NDST3: variants seen among roughly 807,000 people sequenced by gnomAD.
The protein encoded by NDST3 is bifunctional heparan sulfate N-deacetylase/N-sulfotransferase 3.
Under a neutral mutation model 96.1 loss-of-function variants are expected in NDST3, and 58 were observed. The ratio of observed to expected loss-of-function variants is 0.60; its 90% CI spans 0.49 to 0.75. The LOEUF (loss-of-function observed/expected upper bound fraction) is 0.75. Ranked by LOEUF, NDST3 falls within the 30% of genes least tolerant of loss-of-function variation. The pLI is 0.00. For missense variants in NDST3, 788 were observed against 1,034.2 expected (o/e 0.76, Z 3.27); for synonymous variants, 333 against 359.7 (o/e 0.93, Z 0.84).
At chr4:118,084,975 T>G (rs565364963) in intron 2 of NDST3, among the ~76,000 whole-genome samples, 41 of 152,098 alleles carry the variant, frequency 2.7e-4, no homozygotes, top group African/African-American at 9.9e-4. Context: ...AAAAACAAAA[T>G]TAGCCGGGCA....
At chr4:118,232,934 A>G (rs1740403262) in intron 8 of NDST3, 78 bp from the exon 9 acceptor site, 1 of 1,347,292 alleles carries the variant, frequency 7.4e-7, no homozygotes, top group Admixed American at 1.9e-5. Context: ...TCTAATATTT[A>G]TTCATGACTT....
chr4:118,179,405 T>G (rs1578774465), intron 6 of NDST3, among the ~76,000 whole-genome samples: 1 of 152,012 alleles, frequency 6.6e-6, no homozygotes, highest in South Asian at 2.1e-4. Context: ...AAAAATTAGG[T>G]TTTTTTAATT....
Position 118,233,233 on chromosome 4 carries a change from A to G in NDST3, c.1943+98A>G, listed in dbSNP as rs1011384493. 5 of 1,107,262 alleles carry G rather than the reference A, an allele frequency of 4.5e-6. No individual in the cohort carries two copies. In the African/African-American group the frequency reaches 8.0e-5, roughly 18 times the overall value. 68.6% of individuals were successfully genotyped at this position (1,107,262 alleles called of 1,614,324 possible). A position where few individuals can be genotyped will look rare whatever the true frequency, so the allele number is the denominator to read the frequency against. ...GAAACATCTAAGTTTGTAGTCACAAATAAAATTTAACCTCTGTGCCTTGGA... is the reference window on the plus strand; with the variant it reads ...GAAACATCTAAGTTTGTAGTCACAAGTAAAATTTAACCTCTGTGCCTTGGA... On this transcript the variant is annotated intron_variant, in intron 9 of 13. Transcript: ENST00000296499.
intron 6 of NDST3, among the ~76,000 whole-genome samples, chr4:118,223,760 T>A (rs1335780688): frequency 6.6e-6 from 1 of 152,128 alleles, no homozygotes; most frequent in Non-Finnish European, 1.5e-5. Flanking sequence ...TTCATTCACA[T>A]GACATTATAT....
intron 3 of NDST3, among the ~76,000 whole-genome samples, chr4:118,108,556 T>A (rs1730390869): frequency 6.6e-6 from 1 of 152,188 alleles, no homozygotes; most frequent in Admixed American, 6.5e-5. Flanking sequence ...ACTACTAACA[T>A]CAATATAATC....
At chr4:118,086,165 T>G (rs1264421595) in intron 2 of NDST3, among the ~76,000 whole-genome samples, 1 of 152,198 alleles carries the variant, frequency 6.6e-6, no homozygotes, top group African/African-American at 2.4e-5. Flanking sequence ...TTCTGTCCCT[T>G]TCACGCAATG....
chr4:118,232,990 T>C, intron 8 of NDST3, 22 bp from the exon 9 acceptor site: 1 of 1,599,812 alleles, frequency 6.3e-7, no homozygotes, highest in Non-Finnish European at 8.5e-7. Flanking sequence ...AATTAATTTC[T>C]GAACCTCTAT....
intron 6 of NDST3, among the ~76,000 whole-genome samples, chr4:118,189,072 A>G (rs1364567226): frequency 6.6e-6 from 1 of 151,936 alleles, no homozygotes; most frequent in Non-Finnish European, 1.5e-5. Context: ...TTTTTTTGAG[A>G]TAAGTCTCAC....
intron 6 of NDST3, among the ~76,000 whole-genome samples, chr4:118,213,118 A>G (rs1400423594): frequency 1.3e-5 from 2 of 152,170 alleles, no homozygotes; most frequent in African/African-American, 2.4e-5. Context: ...AGCTAACACA[A>G]TTTCCAAATA....
At chr4:118,224,000 A>G (rs1205309403) in intron 6 of NDST3, among the ~76,000 whole-genome samples, 3 of 152,164 alleles carry the variant, frequency 2.0e-5, no homozygotes, top group African/African-American at 7.2e-5. Flanking sequence ...ATTTTATTAT[A>G]AAAAGTTTCC....
chr4:118,247,529 G>A (rs368380113), intron 12 of NDST3, among the ~76,000 whole-genome samples: 1 of 152,002 alleles, frequency 6.6e-6, no homozygotes, highest in South Asian at 2.1e-4. Flanking sequence ...TCCAGCCTGG[G>A]CGACAAGAGT....
intron 1 of NDST3, among the ~76,000 whole-genome samples, chr4:118,049,266 A>C (rs1401012263): frequency 6.6e-6 from 1 of 152,126 alleles, no homozygotes; most frequent in Non-Finnish European, 1.5e-5. Context: ...CTTCATCAAG[A>C]AGTTAGAAAG....
At chr4:118,155,037 C>T (rs977780662) in intron 6 of NDST3, among the ~76,000 whole-genome samples, 2 of 152,102 alleles carry the variant, frequency 1.3e-5, no homozygotes, top group African/African-American at 2.4e-5. Flanking sequence ...TAAAGAACTA[C>T]GAATAAAGAA....
chr4:118,238,388 T>C (rs1389357090), intron 10 of NDST3, among the ~76,000 whole-genome samples: 1 of 152,140 alleles, frequency 6.6e-6, no homozygotes, highest in African/African-American at 2.4e-5. Context: ...ATAATATATA[T>C]GTCAAATACA....
chr4:118,244,450 T>C (rs1013365770), intron 12 of NDST3, among the ~76,000 whole-genome samples: 2 of 152,198 alleles, frequency 1.3e-5, no homozygotes, highest in Non-Finnish European at 2.9e-5. Flanking sequence ...CTTCTTATTT[T>C]CCTGCTGGTG....
At chr4:118,219,140 T>G (rs1739380139) in intron 6 of NDST3, among the ~76,000 whole-genome samples, 1 of 152,140 alleles carries the variant, frequency 6.6e-6, no homozygotes, top group South Asian at 2.1e-4. Flanking sequence ...TTCAATGCTA[T>G]TCCCTTCAAA....
chr4:118,106,679 T>C (rs1730210504), intron 3 of NDST3, among the ~76,000 whole-genome samples: 1 of 152,166 alleles, frequency 6.6e-6, no homozygotes. Context: ...TAGTCCCAGC[T>C]ACTCAGGAGA....
chr4:118,201,730 C>T (rs72917108), intron 6 of NDST3, among the ~76,000 whole-genome samples: 2,486 of 152,162 alleles, frequency 0.016, 56 homozygotes, highest in African/African-American at 0.052. Context: ...TCTCATTCTG[C>T]AGGTTGTCTG....
At chr4:118,201,311 T>C (rs1036500662) in intron 6 of NDST3, among the ~76,000 whole-genome samples, 4 of 152,238 alleles carry the variant, frequency 2.6e-5, no homozygotes, top group Non-Finnish European at 2.9e-5. Flanking sequence ...AGTAATGGTA[T>C]GGCTGAGATG....
Sources: allele counts gnomAD v4.1 joint callset (sites outside exome capture counted in the v4.1 genomes callset), GRCh38; gene constraint gnomAD v4.1.1; transcripts MANE v1.5; gene names NCBI Gene and HGNC (gene_info 2026-07-23, HGNC 2026-07-21).